KIAA1549L: variants seen among roughly 807,000 people sequenced by gnomAD.
KIAA1549L encodes KIAA1549 like, also known as UPF0606 protein KIAA1549L.
In KIAA1549L, 88 loss-of-function variants were observed where a neutral mutation model predicts 160.7. The observed-to-expected ratio is 0.55, with a 90% CI of 0.46 to 0.65. The LOEUF is 0.65. Ranked by LOEUF, KIAA1549L falls within the 30% of genes least tolerant of loss-of-function variation. KIAA1549L has a pLI of 0.00. For missense variants in KIAA1549L, 2,258 were observed against 2,437.5 expected (o/e 0.93, Z 1.55); for synonymous variants, 950 against 976.7 (o/e 0.97, Z 0.51).
At chr11:33,418,677 A>G (rs1451483972) in intron 1 of KIAA1549L, among the ~76,000 whole-genome samples, 2 of 152,178 alleles carry the variant, frequency 1.3e-5, no homozygotes, top group East Asian at 3.8e-4. Flanking sequence ...AGTTCAGGAA[A>G]GTTACCTGGG....
At position 33,547,782 on chromosome 11, in the gene KIAA1549L, G is replaced by A. The variant is rs1854314409; in HGVS notation, c.3404G>A (p.Arg1135Lys). 2 of 1,612,310 alleles carry A rather than the reference G, an allele frequency of 1.2e-6. No homozygotes were observed. The highest frequency in any genetic ancestry group is 1.3e-5 in the African/African-American group (1 of 74,886). Residue 1135 changes from arginine (R) to lysine (K), a missense_variant, in exon 4 of 21, where the codon AGG (arginine) becomes AAG (lysine). Arg to Lys is a conservative substitution (Grantham distance 26). This residue lies in a region of KIAA1549L where 1,359 missense variants were observed against 1,546.6 expected (regional missense o/e 0.88). Transcript: ENST00000658780. ...CCCACAGTTCTCTTTCTCACCCAAAGGAGAGTGCAGATCAGTGAATCCTTG... is the reference window on the plus strand; with the variant it reads ...CCCACAGTTCTCTTTCTCACCCAAAAGAGAGTGCAGATCAGTGAATCCTTG... ...LVKTVLFLTQ[R>K]RVQISESLKF...
intron 1 of KIAA1549L, among the ~76,000 whole-genome samples, chr11:33,526,225 A>G (rs1262928978): frequency 6.6e-6 from 1 of 152,212 alleles, no homozygotes; most frequent in African/African-American, 2.4e-5. Context: ...AATTCAAGCC[A>G]TTACAGCAAC....
intron 1 of KIAA1549L, among the ~76,000 whole-genome samples, chr11:33,529,240 T>C (rs928831023): frequency 1.3e-5 from 2 of 151,368 alleles, no homozygotes; most frequent in Non-Finnish European, 2.9e-5. Context: ...GAGGCTGAGG[T>C]GGAAGCATCA....
At chr11:33,405,510 C>CTTT (rs60127936) in intron 1 of KIAA1549L, among the ~76,000 whole-genome samples, 3,612 of 138,622 alleles carry the variant, frequency 0.026, 79 homozygotes, top group Middle Eastern at 0.091. Context: ...TTTCCCTACA[C>CTTT]TTTTTTTTTT....
intron 9 of KIAA1549L, 98 bp downstream of exon 9, chr11:33,568,325 C>A: frequency 8.6e-7 from 1 of 1,161,974 alleles, no homozygotes; most frequent in Non-Finnish European, 1.2e-6. Context: ...TCAGAGGAGC[C>A]TCCATGCTGC....
chr11:33,655,137 CCTGT>C (rs1202052442), intron 17 of KIAA1549L, among the ~76,000 whole-genome samples: 2 of 152,226 alleles, frequency 1.3e-5, no homozygotes, highest in African/African-American at 4.8e-5. Flanking sequence ...TCTTTCTAAT[CCTGT>C]CTGTCTCTGT....
chr11:33,619,578 T>G (rs944956327), intron 16 of KIAA1549L, among the ~76,000 whole-genome samples: 3 of 152,168 alleles, frequency 2.0e-5, no homozygotes, highest in African/African-American at 7.2e-5. Context: ...CACAAAACCT[T>G]AAAATGGGAT....
chr11:33,658,276 A>C (rs1852138338), intron 18 of KIAA1549L, among the ~76,000 whole-genome samples: 1 of 151,984 alleles, frequency 6.6e-6, no homozygotes, highest in African/African-American at 2.4e-5. Flanking sequence ...GCCAGTTAGG[A>C]ATAGGGAATG....
intron 1 of KIAA1549L, among the ~76,000 whole-genome samples, chr11:33,420,820 G>A (rs1294679657): frequency 6.6e-6 from 1 of 152,178 alleles, no homozygotes; most frequent in Non-Finnish European, 1.5e-5. Flanking sequence ...ACAGCAAGAT[G>A]AAACCTCGAT....
chr11:33,562,274 T>C (rs1255921351), intron 8 of KIAA1549L, among the ~76,000 whole-genome samples: 1 of 152,186 alleles, frequency 6.6e-6, no homozygotes, highest in Non-Finnish European at 1.5e-5. Context: ...GCAAAAAAGT[T>C]CTTCTTTGTG....
chr11:33,550,400 A>C (rs1179188259), intron 4 of KIAA1549L, among the ~76,000 whole-genome samples: 1 of 152,154 alleles, frequency 6.6e-6, no homozygotes, highest in Non-Finnish European at 1.5e-5. Context: ...AAAAAGAAAA[A>C]ATAAGAATAA....
intron 9 of KIAA1549L, among the ~76,000 whole-genome samples, 159 bp downstream of exon 9, chr11:33,568,386 C>T (rs533141649): frequency 3.4e-4 from 52 of 152,166 alleles, no homozygotes; most frequent in South Asian, 1.0e-3. Flanking sequence ...TGGGAACTGA[C>T]GGTCATAACC....
At chr11:33,609,406 C>T (rs866728232) in intron 14 of KIAA1549L, among the ~76,000 whole-genome samples, 2 of 152,196 alleles carry the variant, frequency 1.3e-5, no homozygotes, top group African/African-American at 4.8e-5. Context: ...GGCGGAGGCA[C>T]CCACACAGAG....
chr11:33,492,978 T>G (rs1275816470), intron 1 of KIAA1549L, among the ~76,000 whole-genome samples: 2 of 152,114 alleles, frequency 1.3e-5, no homozygotes, highest in Non-Finnish European at 2.9e-5. Context: ...TTTAGTGTGA[T>G]TCCATGCAGT....
chr11:33,497,461 T>A (rs533171740), intron 1 of KIAA1549L, among the ~76,000 whole-genome samples: 1 of 152,280 alleles, frequency 6.6e-6, no homozygotes, highest in Non-Finnish European at 1.5e-5. Flanking sequence ...AGGTATGATG[T>A]CCTTTTTGGA....
At chr11:33,552,698 A>G (rs962873593) in intron 6 of KIAA1549L, among the ~76,000 whole-genome samples, 972 of 87,904 alleles carry the variant, frequency 0.011, 16 homozygotes, top group African/African-American at 0.038. Flanking sequence ...ACACACACAC[A>G]CACACATGCG....
At chr11:33,422,981 A>T (rs35761671) in intron 1 of KIAA1549L, among the ~76,000 whole-genome samples, 27,217 of 152,050 alleles carry the variant, frequency 0.18, 3,038 homozygotes, top group East Asian at 0.34. Context: ...CCTGGCCTAT[A>T]TTAAGTACAC....
intron 1 of KIAA1549L, among the ~76,000 whole-genome samples, chr11:33,393,357 C>G (rs1850308180): frequency 6.6e-6 from 1 of 152,184 alleles, no homozygotes; most frequent in Non-Finnish European, 1.5e-5. Context: ...GTCTTCTCTG[C>G]TTCTGTCTCC....
intron 2 of KIAA1549L, 108 bp from the exon 3 acceptor site, chr11:33,544,658 TG>T (rs1463263550): frequency 1.4e-6 from 2 of 1,401,510 alleles, no homozygotes; most frequent in Non-Finnish European, 1.9e-6. Flanking sequence ...AAGCCCAGAT[TG>T]CAGAGACTTC....
Sources: gnomAD v4.1 joint callset for allele counts (sites outside exome capture counted in the v4.1 genomes callset) on GRCh38, gnomAD v4.1.1 for gene constraint, gnomAD v4.1.1 regional missense constraint, MANE v1.5 for transcripts, NCBI Gene and HGNC (gene_info 2026-07-23, HGNC 2026-07-21) for gene names.